Variants in PARN observed in about 807,000 individuals in gnomAD.
PARN encodes poly(A)-specific ribonuclease PARN.
PARN carries 71 observed loss-of-function variants against 102.8 expected under a neutral mutation model. That is an observed-to-expected ratio of 0.69 (90% confidence interval 0.57 to 0.84). The LOEUF (loss-of-function observed/expected upper bound fraction) is 0.84, where lower values mean the gene tolerates loss of function less well. Ranked by LOEUF, PARN falls within the 40% of genes least tolerant of loss-of-function variation. The probability of loss-of-function intolerance (pLI) is 0.00; values close to 1 mark genes in which losing one functional copy is unlikely to be tolerated. For missense variants in PARN, 782 were observed against 760.9 expected, an observed-to-expected ratio of 1.03 and a Z score of -0.33; for synonymous variants, 261 against 252.9, an observed-to-expected ratio of 1.03 and a Z score of -0.30.
intron 12 of PARN, among the ~76,000 whole-genome samples, chr16:14,595,269 G>A (rs183981168): frequency 1.3e-5 from 2 of 152,248 alleles, no homozygotes; most frequent in East Asian, 1.9e-4. Flanking sequence ...TAAGAAAAGA[G>A]AGGAAGCTAA....
rs1364137757 is a variant in PARN, at chr16:14,532,798, G to A, written c.1480+19223C>T. Among the ~76,000 whole-genome samples the A allele has an allele frequency of 1.1e-4, 16 of 149,644 alleles. No homozygotes were observed. In the East Asian group the frequency reaches 2.4e-3, roughly 22 times the overall value. ...TCCCTCCTGGACGGGGCGGCTGGCC[G>A]GGCGGGGGGCTGACCCCCCCACCTC... On this transcript the variant is annotated intron_variant, in intron 21 of 23. Transcript: ENST00000437198.
rs144992190 is a variant in PARN, at chr16:14,450,996, C to G, written c.1671-3915G>C. On this transcript the variant is annotated intron_variant, in intron 22 of 23. Transcript: ENST00000437198. ...AAAAACTCCGACTCTCCACTATAAA[C>G]CTAAATTTAAACTGCTTGGCACAGC... Among the ~76,000 whole-genome samples the G allele has an allele frequency of 6.0e-3, 918 of 152,258 alleles. 13 individuals are homozygous for G. Among genetic ancestry groups the G allele is most frequent in the African/African-American group, 0.021 (869 of 41,554 alleles).
chr16:14,533,463 GGGAGAGGGAGAGGGAGAGGGAGA>G, intron 21 of PARN, among the ~76,000 whole-genome samples: 1 of 94,538 alleles, frequency 1.1e-5, no homozygotes, highest in Non-Finnish European at 2.1e-5. Context: ...GAGAGGGAGA[GGGAGAGGGAGAGGGAGAGGGAGA>G]GGGAGAGGTT....
At chr16:14,453,348 CT>C (rs1961547262) in intron 22 of PARN, among the ~76,000 whole-genome samples, 2 of 152,120 alleles carry the variant, frequency 1.3e-5, no homozygotes, top group South Asian at 4.1e-4. Flanking sequence ...GAAATGTTTG[CT>C]TATAGAAAGG....
In PARN at chr16:14,464,618, G is replaced by T. The variant is rs934370500; in HGVS notation, c.1671-17537C>A. ...TAAAATATACAAAAATTAGCCAGGC[G>T]TGGTGGCGCACACCTGTAATCCCAG... On this transcript the variant is annotated intron_variant, in intron 22 of 23. Transcript: ENST00000437198. Among the ~76,000 whole-genome samples, 24 of 152,052 alleles carry T rather than the reference G, an allele frequency of 1.6e-4. No individual in the cohort carries two copies. The South Asian group carries it at 1.7e-3, about 11-fold the overall frequency.
intron 21 of PARN, among the ~76,000 whole-genome samples, chr16:14,532,034 G>T (rs1043400786): frequency 5.3e-5 from 8 of 151,974 alleles, no homozygotes; most frequent in Non-Finnish European, 8.8e-5. Context: ...CTGTACTCCA[G>T]CTTGACCCTG....
At chr16:14,554,228 A>T in intron 19 of PARN, 77 bp from the exon 20 acceptor site, 1 of 928,306 alleles carries the variant, frequency 1.1e-6, no homozygotes. Context: ...GATGAAACTA[A>T]GTCTGAGCTA....
chr16:14,460,940 G>A (rs889900299), intron 22 of PARN, among the ~76,000 whole-genome samples: 1 of 152,198 alleles, frequency 6.6e-6, no homozygotes, highest in Non-Finnish European at 1.5e-5. Flanking sequence ...CATGTGGAGA[G>A]ATCTGGCAAA....
chr16:14,533,067 G>A (rs1966438505), intron 21 of PARN, among the ~76,000 whole-genome samples: 2 of 152,100 alleles, frequency 1.3e-5, no homozygotes, highest in East Asian at 3.9e-4. Context: ...CTGGGAGGTG[G>A]AGGTTGTAGC....
chr16:14,493,080 A>AT (rs1491156830), intron 21 of PARN, among the ~76,000 whole-genome samples: 5 of 152,194 alleles, frequency 3.3e-5, no homozygotes, highest in African/African-American at 1.2e-4. Flanking sequence ...TCAAACAACA[A>AT]TAAAAAAAAA....
intron 10 of PARN, among the ~76,000 whole-genome samples, chr16:14,606,122 T>C (rs184281140): frequency 6.6e-6 from 1 of 152,256 alleles, no homozygotes; most frequent in Non-Finnish European, 1.5e-5. Context: ...CACTAAGGAT[T>C]GAGCATGGTA....
At chr16:14,488,284 A>C (rs1963840977) in intron 21 of PARN, among the ~76,000 whole-genome samples, 1 of 152,248 alleles carries the variant, frequency 6.6e-6, no homozygotes, top group Admixed American at 6.5e-5. Context: ...AACTCTGAGA[A>C]TTTGAAAAGG....
Position 14,618,215 on chromosome 16 carries a change from C to T in PARN, c.328-565G>A, listed in dbSNP as rs557038096. Among the ~76,000 whole-genome samples the T allele has an allele frequency of 5.3e-5, 8 of 152,094 alleles. No individual in the cohort carries two copies. The South Asian group carries it at 1.2e-3, about 24-fold the overall frequency. ...AAAAATTAGCCGGGTGTGCCAGGCGCGGTGGCTGACACCTGTAATCCCAGC... is the reference window on the plus strand; with the variant it reads ...AAAAATTAGCCGGGTGTGCCAGGCGTGGTGGCTGACACCTGTAATCCCAGC... On this transcript the variant is annotated intron_variant, in intron 5 of 23. Transcript: ENST00000437198.
chr16:14,494,720 T>C (rs1964226058), intron 21 of PARN, among the ~76,000 whole-genome samples: 1 of 152,182 alleles, frequency 6.6e-6, no homozygotes, highest in Non-Finnish European at 1.5e-5. Flanking sequence ...GATCTCCTCC[T>C]CCTGACAAAG....
At chr16:14,437,146 C>G (rs185236959) in intron 23 of PARN, among the ~76,000 whole-genome samples, 3 of 152,292 alleles carry the variant, frequency 2.0e-5, no homozygotes, top group Admixed American at 1.3e-4. Flanking sequence ...TAAAAGCCCA[C>G]CAAGGTGGTA....
intron 22 of PARN, 116 bp downstream of exon 22, chr16:14,482,522 G>T: frequency 2.7e-6 from 2 of 754,278 alleles, no homozygotes; most frequent in Non-Finnish European, 4.3e-6. Flanking sequence ...GATGTGAAAA[G>T]TTGAAAGGCC....
At chr16:14,465,637 C>G (rs1002253969) in intron 22 of PARN, among the ~76,000 whole-genome samples, 2 of 151,922 alleles carry the variant, frequency 1.3e-5, no homozygotes, top group Non-Finnish European at 2.9e-5. Flanking sequence ...TTACCAGATG[C>G]TTTTATGTAA....
At chr16:14,504,120 T>C (rs558838911) in intron 21 of PARN, among the ~76,000 whole-genome samples, 2 of 152,308 alleles carry the variant, frequency 1.3e-5, no homozygotes, top group South Asian at 2.1e-4. Context: ...AATCATCCTA[T>C]GAAAACAATC....
In PARN at chr16:14,496,457, T is replaced by A. The variant is rs552311820; in HGVS notation, c.1481-13630A>T. ...AAAAAAGAAGAAACCCTTCTTTTTT[T>A]AAAAGATGAAACACAACTTAAAATA... On this transcript the variant is annotated intron_variant, in intron 21 of 23. Transcript: ENST00000437198. 1.7e-4 allele frequency among the ~76,000 whole-genome samples: 26 copies of A among 152,288 alleles called. No individual in the cohort carries two copies. In the East Asian group the frequency reaches 4.2e-3, roughly 25 times the overall value.
Sources: allele counts gnomAD v4.1 joint callset (sites outside exome capture counted in the v4.1 genomes callset), GRCh38; gene constraint gnomAD v4.1.1; transcripts MANE v1.5; gene names NCBI Gene and HGNC (gene_info 2026-07-23, HGNC 2026-07-21).